Variants in PIP observed in about 807,000 individuals in gnomAD.
The protein encoded by PIP is prolactin induced protein.
A neutral mutation model predicts 12.8 loss-of-function variants in PIP; 9 were observed. That is an observed-to-expected ratio of 0.70 (90% CI 0.42 to 1.23). The LOEUF is 1.23. Ranked by LOEUF, PIP falls within the 50% of genes most tolerant of loss-of-function variation. The probability of loss-of-function intolerance (pLI) is 0.00; values close to 1 mark genes in which losing one functional copy is unlikely to be tolerated. For synonymous variants in PIP, 60 were observed against 66.1 expected (o/e 0.91, Z 0.45); for missense variants, 172 against 179.5 (o/e 0.96, Z 0.24).
chr7:143,133,144 T>G (rs113330051), intron 1 of PIP, among the ~76,000 whole-genome samples: 1 of 152,022 alleles, frequency 6.6e-6, no homozygotes. Flanking sequence ...TAAGCTATGC[T>G]AATTAGGTTA....
chr7:143,132,227 C>T lies in PIP; in HGVS notation c.95+16C>T, dbSNP rs1479923027. On this transcript the variant is annotated intron_variant, in intron 1 of 3. Coordinates refer to ENST00000291009, the MANE Select transcript of PIP (RefSeq NM_002652.3). ...AGGACAACACGTGAGCCATGCCCTT[C>T]TCCTCCCCACAAAAAAAATTGCAGG... is the stretch of plus-strand genomic sequence containing the variant. 6.2e-7 allele frequency: 1 copy of T among 1,611,206 alleles called. No homozygotes were observed. Among genetic ancestry groups the T allele is most frequent in the East Asian group, 2.2e-5 (1 of 44,844 alleles).
At chr7:143,135,405 A>C in intron 2 of PIP, 106 bp downstream of exon 2, 1 of 546,628 alleles carries the variant, frequency 1.8e-6, no homozygotes, top group Non-Finnish European at 3.4e-6. Flanking sequence ...TTAATGAAAC[A>C]TTCTCACTTA....
At chr7:143,139,210 A>G (rs959030086) in intron 3 of PIP, 21 bp downstream of exon 3, 2 of 1,333,934 alleles carry the variant, frequency 1.5e-6, no homozygotes, top group African/African-American at 2.9e-5. Flanking sequence ...AAGTTGTCCA[A>G]GGAGGGAACT....
At chr7:143,134,289 T>C (rs1376691761) in intron 1 of PIP, among the ~76,000 whole-genome samples, 1 of 144,432 alleles carries the variant, frequency 6.9e-6, no homozygotes, top group Non-Finnish European at 1.5e-5. Flanking sequence ...GGTTCCACAG[T>C]TTTATAATTG....
rs1238944234 is a variant in PIP at position 143,139,160 on chromosome 7, A to G, written c.287A>G (p.Lys96Arg). ...GCCTGCCTATGTGACGACAATCCAA[A>G]AACCTTCTACTGGGACTTTTACACC... ...YTACLCDDNP[K>R]TFYWDFYTNR... The change falls in exon 3 of 4, where the codon AAA (lysine) becomes AGA (arginine). Residue 96 changes from lysine to arginine, a missense_variant. Coordinates refer to ENST00000291009, the MANE Select transcript of PIP (RefSeq NM_002652.3). 6.3e-7 allele frequency: 1 copy of G among 1,597,498 alleles called. No homozygotes were observed. The highest frequency in any genetic ancestry group is 1.7e-5 in the Admixed American group (1 of 59,970).
At chr7:143,139,284 A>C in intron 3 of PIP, 95 bp downstream of exon 3, 1 of 885,870 alleles carries the variant, frequency 1.1e-6, no homozygotes, top group Non-Finnish European at 1.9e-6. Flanking sequence ...GAGCAGGACC[A>C]GGACCTCAGG....
rs778559553 is a variant in PIP, at chr7:143,135,319, C to T, written c.201+20C>T. 24 of 1,155,694 alleles carry T rather than the reference C, an allele frequency of 2.1e-5. No homozygotes were observed. Among genetic ancestry groups the T allele is most frequent in the Non-Finnish European group, 2.9e-5 (22 of 766,762 alleles). The allele number at this position is 1,155,694 out of a possible 1,614,324, so 71.6% of individuals were successfully genotyped here. A position where few individuals can be genotyped will look rare whatever the true frequency, so the allele number is the denominator to read the frequency against. ...ATGGTGGTAAGTAGAGGACTGGGGG[C>T]GTGACTTCAAAAGATAATTCAACTC... On this transcript the variant is annotated intron_variant, in intron 2 of 3. Transcript: ENST00000291009.
chr7:143,135,689 G>A (rs1462418025), intron 2 of PIP, among the ~76,000 whole-genome samples: 1 of 151,984 alleles, frequency 6.6e-6, no homozygotes, highest in Non-Finnish European at 1.5e-5. Context: ...ATAGGTTGAG[G>A]TGGGTGGGCA....
At chr7:143,134,219 T>A (rs1799277468) in intron 1 of PIP, among the ~76,000 whole-genome samples, 1 of 108,698 alleles carries the variant, frequency 9.2e-6, no homozygotes, top group Admixed American at 9.3e-5. Flanking sequence ...TATATATATA[T>A]ATATATATAT....
At chr7:143,139,052 C>A in intron 2 of PIP, 23 bp from the exon 3 acceptor site, 1 of 1,131,230 alleles carries the variant, frequency 8.8e-7, no homozygotes, top group Non-Finnish European at 1.4e-6. Flanking sequence ...AATGAATTCC[C>A]CCTCCCACCT....
intron 1 of PIP, among the ~76,000 whole-genome samples, chr7:143,133,976 T>TGGGTGA (rs1799271550): frequency 6.6e-6 from 1 of 151,102 alleles, no homozygotes; most frequent in African/African-American, 2.4e-5. Flanking sequence ...CCTCTCCCAC[T>TGGGTGA]CTTCCCCGCA....
At chr7:143,136,872 C>G (rs1799315356) in intron 2 of PIP, among the ~76,000 whole-genome samples, 1 of 151,768 alleles carries the variant, frequency 6.6e-6, no homozygotes, top group Non-Finnish European at 1.5e-5. Context: ...ACTTTGCAAA[C>G]TAGAAATAAT....
At chr7:143,139,023 A>C in intron 2 of PIP, 52 bp from the exon 3 acceptor site, 1 of 932,292 alleles carries the variant, frequency 1.1e-6, no homozygotes. Context: ...TCCCTCCCTT[A>C]CCCATTCCCC....
rs577013033 is a variant in PIP at position 143,132,144 on chromosome 7, G to C, written c.28G>C (p.Ala10Pro). The C allele has an allele frequency of 1.2e-5, 20 of 1,612,134 alleles. No individual in the cohort carries two copies. The highest frequency in any genetic ancestry group is 1.6e-5 in the Non-Finnish European group (19 of 1,178,222). The change falls in exon 1 of 4, where the codon GCC (alanine) becomes CCC (proline). Residue 10 changes from alanine to proline, a missense_variant. Transcript: ENST00000291009. ...GCGCTTGCTCCAGCTCCTGTTCAGGGCCAGCCCTGCCACCCTGCTCCTGGT... is the reference window on the plus strand; with the variant it reads ...GCGCTTGCTCCAGCTCCTGTTCAGGCCCAGCCCTGCCACCCTGCTCCTGGT... MRLLQLLFR[A>P]SPATLLLVLC...
intron 1 of PIP, among the ~76,000 whole-genome samples, chr7:143,133,362 C>T (rs1001635166): frequency 4.6e-5 from 7 of 151,986 alleles, no homozygotes; most frequent in Admixed American, 3.9e-4. Context: ...GGTATTTATA[C>T]CCTTTTCCTG....
Position 143,139,269 on chromosome 7 carries a change from G to A in PIP, c.316+80G>A, listed in dbSNP as rs1039264433. ...AAACTATAAACAGAAACATGGCTGCGAACCGAGCAGGACCAGGACCTCAGG... is the reference window on the plus strand; with the variant it reads ...AAACTATAAACAGAAACATGGCTGCAAACCGAGCAGGACCAGGACCTCAGG... On this transcript the variant is annotated intron_variant, in intron 3 of 3. Transcript: ENST00000291009. 4.1e-5 allele frequency: 38 copies of A among 934,954 alleles called. 1 individual carries two copies. The highest frequency in any genetic ancestry group is 1.2e-4 in the Admixed American group (7 of 58,588). The allele number at this position is 934,954 out of a possible 1,614,324, so 57.9% of individuals were successfully genotyped here. A position where few individuals can be genotyped will look rare whatever the true frequency, so the allele number is the denominator to read the frequency against.
intron 2 of PIP, among the ~76,000 whole-genome samples, chr7:143,136,244 G>A (rs1461075387): frequency 6.6e-6 from 1 of 151,966 alleles, no homozygotes; most frequent in Non-Finnish European, 1.5e-5. Flanking sequence ...CAAGACCCAT[G>A]CATCTCCCAT....
At chr7:143,139,019 C>T (rs560255664) in intron 2 of PIP, 56 bp from the exon 3 acceptor site, 1 of 917,950 alleles carries the variant, frequency 1.1e-6, no homozygotes, top group Non-Finnish European at 1.8e-6. Flanking sequence ...TTTTTCCCTC[C>T]CTTACCCATT....
chr7:143,134,219 T>C (rs1799277468), intron 1 of PIP, among the ~76,000 whole-genome samples: 1 of 108,698 alleles, frequency 9.2e-6, no homozygotes, highest in African/African-American at 3.4e-5. Context: ...TATATATATA[T>C]ATATATATAT....
Sources: gnomAD v4.1 joint callset for allele counts (sites outside exome capture counted in the v4.1 genomes callset) on GRCh38, gnomAD v4.1.1 for gene constraint, MANE v1.5 for transcripts, NCBI Gene and HGNC (gene_info 2026-07-23, HGNC 2026-07-21) for gene names.